PLSCR4: variants seen among roughly 807,000 people sequenced by gnomAD.
PLSCR4 encodes the protein phospholipid scramblase 4.
In PLSCR4, 25 loss-of-function variants were observed where a neutral mutation model predicts 36.3. That is an observed-to-expected ratio of 0.69 (90% confidence interval 0.50 to 0.96). The LOEUF (loss-of-function observed/expected upper bound fraction) is 0.96. Among genes scored for constraint, PLSCR4 ranks in the 40% least tolerant of loss-of-function variants. PLSCR4 has a pLI of 0.00. For synonymous variants in PLSCR4, 122 were observed against 132.9 expected (o/e 0.92, Z 0.56); for missense variants, 408 against 414.7 (o/e 0.98, Z 0.14).
chr3:146,211,598 A>G (rs1358685314), intron 3 of PLSCR4, among the ~76,000 whole-genome samples: 1 of 152,110 alleles, frequency 6.6e-6, no homozygotes, highest in African/African-American at 2.4e-5. Flanking sequence ...AGAGTGTCAT[A>G]TCATATCTAA....
At position 146,193,446 on chromosome 3, in the gene PLSCR4, AAAAAACAAAAAC is replaced by A. The variant is rs376273428; in HGVS notation, c.*953_*964del. On this transcript the variant is annotated 3_prime_UTR_variant, in exon 9 of 9. Coordinates refer to ENST00000354952, the MANE Select transcript of PLSCR4 (RefSeq NM_020353.3). ...TGGTGATCACGAAGGATCTTCTTGA[AAAAAACAAAAAC>A]AAAAACAAAAAACAATGATCTCTTC... is the stretch of plus-strand genomic sequence containing the variant. 46 of 152,306 alleles carry A rather than the reference AAAAAACAAAAAC, an allele frequency of 3.0e-4. No homozygotes were observed. Among genetic ancestry groups the A allele is most frequent in the African/African-American group, 1.1e-3 (45 of 41,568 alleles). 9.4% of individuals were successfully genotyped at this position (152,306 alleles called of 1,614,324 possible). A position where few individuals can be genotyped will look rare whatever the true frequency, so the allele number is the denominator to read the frequency against.
chr3:146,228,268 T>C (rs1300431230), intron 1 of PLSCR4, among the ~76,000 whole-genome samples: 3 of 152,206 alleles, frequency 2.0e-5, no homozygotes, highest in African/African-American at 7.2e-5. Context: ...AGACCAAGAA[T>C]AAATGTGTGT....
At chr3:146,210,096 C>G (rs1036014268) in intron 3 of PLSCR4, among the ~76,000 whole-genome samples, 1 of 152,060 alleles carries the variant, frequency 6.6e-6, no homozygotes, top group Non-Finnish European at 1.5e-5. Flanking sequence ...CTCCCATATA[C>G]TTTAAATGAT....
At chr3:146,238,761 T>G (rs1358806576) in intron 1 of PLSCR4, among the ~76,000 whole-genome samples, 1 of 152,110 alleles carries the variant, frequency 6.6e-6, no homozygotes, top group African/African-American at 2.4e-5. Flanking sequence ...TTACTATTTC[T>G]TTTCAACATT....
At chr3:146,211,884 A>G (rs185477161) in intron 3 of PLSCR4, among the ~76,000 whole-genome samples, 217 of 152,236 alleles carry the variant, frequency 1.4e-3, no homozygotes, top group African/African-American at 5.1e-3. Flanking sequence ...TTTATTTCTT[A>G]GACTCTCAAT....
Position 146,196,745 on chromosome 3 carries a change from G to A in PLSCR4, c.673C>T (p.His225Tyr). 1 of 1,613,878 alleles carries A rather than the reference G, an allele frequency of 6.2e-7. No individual in the cohort carries two copies. The highest frequency in any genetic ancestry group is 8.5e-7 in the Non-Finnish European group (1 of 1,179,882). Reference sequence around the variant, plus strand: ...TACACCGCCCTGCACAGGTTCCAATGTTCCGCAACAAAGCCAATGGTGACA... The same window carrying A: ...TACACCGCCCTGCACAGGTTCCAATATTCCGCAACAAAGCCAATGGTGACA... Reference protein sequence around the residue: ...PGVTIGFVAEHWNLCRAVYSI... With the variant: ...PGVTIGFVAEYWNLCRAVYSI... Residue 225 changes from histidine (H) to tyrosine (Y), a missense_variant, in exon 7 of 9, where the codon CAT becomes TAT. Coordinates refer to ENST00000354952, the MANE Select transcript of PLSCR4 (RefSeq NM_020353.3).
At chr3:146,201,190 T>G (rs1161114900) in intron 4 of PLSCR4, 113 bp from the exon 5 acceptor site, 7 of 648,826 alleles carry the variant, frequency 1.1e-5, no homozygotes, top group Non-Finnish European at 1.5e-5. Context: ...CCAAAATATA[T>G]TTTTGAAAGT....
At chr3:146,223,712 T>C (rs892213787) in intron 1 of PLSCR4, 2 of 151,956 alleles carry the variant, frequency 1.3e-5, no homozygotes, top group African/African-American at 4.8e-5. Context: ...GTTTAACCAG[T>C]CTTGGACCAT....
chr3:146,217,732 G>A (rs1576469755), intron 3 of PLSCR4, among the ~76,000 whole-genome samples: 1 of 152,198 alleles, frequency 6.6e-6, no homozygotes, highest in Admixed American at 6.5e-5. Context: ...AATGGAGAAA[G>A]AAAATAGAGT....
At chr3:146,196,852 A>C (rs1209930449) in intron 6 of PLSCR4, 59 bp from the exon 7 acceptor site, 2 of 1,413,756 alleles carry the variant, frequency 1.4e-6, no homozygotes, top group Admixed American at 3.6e-5. Flanking sequence ...ACACTTACAC[A>C]TACGCACATA....
intron 3 of PLSCR4, among the ~76,000 whole-genome samples, chr3:146,218,617 T>C (rs975197140): frequency 5.3e-5 from 8 of 152,242 alleles, no homozygotes. Flanking sequence ...GGGAAATTGG[T>C]ATATTATACT....
In PLSCR4 at chr3:146,206,619, T is replaced by C. The variant is rs202068886; in HGVS notation, c.261A>G (p.Lys87=). The C allele has an allele frequency of 3.5e-5, 57 of 1,613,430 alleles. No individual in the cohort carries two copies. Among genetic ancestry groups the C allele is most frequent in the Non-Finnish European group, 4.8e-5 (57 of 1,179,730 alleles). ...GAACAGACTGATTTGGCATAGGATA[T>C]TTGCCAGGCTGATACCGGACAGGAT... is the stretch of plus-strand genomic sequence containing the variant. ...GIHPVRYQPG[K]YPMPNQSVPI... is the part of the protein sequence containing the mutation. Residue 87 remains lysine, a synonymous_variant, in exon 4 of 9, where the codon AAA becomes AAG. Coordinates refer to ENST00000354952, the MANE Select transcript of PLSCR4 (RefSeq NM_020353.3).
At chr3:146,245,298 A>G (rs2036294409) in intron 1 of PLSCR4, among the ~76,000 whole-genome samples, 1 of 152,032 alleles carries the variant, frequency 6.6e-6, no homozygotes, top group African/African-American at 2.4e-5. Flanking sequence ...ATAAAAACCT[A>G]TCTGCTGTAG....
chr3:146,219,778 T>C (rs2035055819), intron 3 of PLSCR4, among the ~76,000 whole-genome samples: 1 of 151,554 alleles, frequency 6.6e-6, no homozygotes, highest in Non-Finnish European at 1.5e-5. Context: ...GAACAAAAAA[T>C]AAAAAACAAA....
intron 1 of PLSCR4, among the ~76,000 whole-genome samples, chr3:146,230,739 G>A (rs1200729387): frequency 2.0e-5 from 3 of 152,156 alleles, no homozygotes; most frequent in Non-Finnish European, 2.9e-5. Flanking sequence ...AGGGTAAACA[G>A]TTTTAAAGAG....
At chr3:146,231,469 T>C (rs1414216259) in intron 1 of PLSCR4, among the ~76,000 whole-genome samples, 2 of 152,200 alleles carry the variant, frequency 1.3e-5, no homozygotes, top group Admixed American at 1.3e-4. Context: ...TAATTGACAT[T>C]CCCACCAGCA....
intron 4 of PLSCR4, among the ~76,000 whole-genome samples, chr3:146,203,988 C>T (rs1402515148): frequency 6.6e-6 from 1 of 152,030 alleles, no homozygotes; most frequent in African/African-American, 2.4e-5. Flanking sequence ...TAAGCTAAAT[C>T]ATTTCCAGCT....
chr3:146,206,292 AAGTTCAACATAAATCC>A (rs1269841930), intron 4 of PLSCR4, among the ~76,000 whole-genome samples: 1 of 152,110 alleles, frequency 6.6e-6, no homozygotes, highest in Non-Finnish European at 1.5e-5. Flanking sequence ...GAATGCCTTG[AAGTTCAACATAAATCC>A]TTATGAAAAA....
At chr3:146,209,274 G>T (rs2034497203) in intron 3 of PLSCR4, among the ~76,000 whole-genome samples, 1 of 152,054 alleles carries the variant, frequency 6.6e-6, no homozygotes, top group Non-Finnish European at 1.5e-5. Context: ...GTAATGATGG[G>T]AAGGGGGTGA....
Sources: allele counts gnomAD v4.1 joint callset (sites outside exome capture counted in the v4.1 genomes callset), GRCh38; gene constraint gnomAD v4.1.1; transcripts MANE v1.5; gene names NCBI Gene and HGNC (gene_info 2026-07-23, HGNC 2026-07-21).